The following DGKB variants were observed in gnomAD, a reference collection of about 807,000 sequenced individuals.
DGKB encodes the protein 90 kDa diacylglycerol kinase.
A neutral mutation model predicts 114.3 loss-of-function variants in DGKB; 67 were observed. The observed-to-expected ratio is 0.59, with a 90% CI of 0.48 to 0.72. The LOEUF is 0.72. DGKB is among the 30% of genes least tolerant of loss of function. The pLI is 0.00. For missense variants in DGKB, 907 were observed against 975.2 expected (o/e 0.93, Z 0.93); for synonymous variants, 398 against 323.1 (o/e 1.23, Z -2.49).
At chr7:14,579,144 A>C (rs1267177964) in intron 19 of DGKB, among the ~76,000 whole-genome samples, 1 of 152,156 alleles carries the variant, frequency 6.6e-6, no homozygotes, top group Non-Finnish European at 1.5e-5. Context: ...ATAATTATAT[A>C]TTTCATTATT....
At chr7:14,268,338 T>C (rs768974679) in intron 23 of DGKB, among the ~76,000 whole-genome samples, 37 of 151,998 alleles carry the variant, frequency 2.4e-4, no homozygotes, top group Admixed American at 3.9e-4. Context: ...GCAGCTGCTC[T>C]GAAGAGGAAT....
intron 19 of DGKB, 69 bp from the exon 20 acceptor site, chr7:14,574,441 C>A: frequency 7.3e-7 from 1 of 1,360,704 alleles, no homozygotes; most frequent in Non-Finnish European, 1.0e-6. Flanking sequence ...TTTTATGTTT[C>A]AGTGTGCTTA....
intron 1 of DGKB, among the ~76,000 whole-genome samples, chr7:14,963,378 G>A (rs1012016541): frequency 1.1e-4 from 16 of 152,084 alleles, no homozygotes; most frequent in Non-Finnish European, 1.9e-4. Flanking sequence ...GTGCACATTT[G>A]TTCCTTTGAT....
chr7:14,393,075 G>A (rs1821649534), intron 21 of DGKB, among the ~76,000 whole-genome samples: 1 of 144,826 alleles, frequency 6.9e-6, no homozygotes, highest in Admixed American at 7.1e-5. Flanking sequence ...TGCAAGCTCT[G>A]CCCCCTGGGG....
chr7:14,427,127 T>C (rs10272826), intron 21 of DGKB, among the ~76,000 whole-genome samples: 4,396 of 151,956 alleles, frequency 0.029, 234 homozygotes, highest in African/African-American at 0.1. Context: ...TCAGGATAAA[T>C]AGCTAATGCA....
intron 1 of DGKB, among the ~76,000 whole-genome samples, chr7:14,895,787 G>A (rs1037264291): frequency 3.3e-5 from 5 of 151,630 alleles, no homozygotes; most frequent in African/African-American, 1.2e-4. Context: ...AGACTTCCCA[G>A]AACTAGCTGA....
intron 23 of DGKB, among the ~76,000 whole-genome samples, chr7:14,292,397 C>A (rs1286637141): frequency 6.6e-6 from 1 of 152,124 alleles, no homozygotes; most frequent in East Asian, 1.9e-4. Flanking sequence ...TGAAAAGTGT[C>A]ACAGCAATAC....
chr7:14,391,277 GAC>G (rs1821263808), intron 21 of DGKB, among the ~76,000 whole-genome samples: 1 of 152,126 alleles, frequency 6.6e-6, no homozygotes, highest in Non-Finnish European at 1.5e-5. Flanking sequence ...ATCTGACTGT[GAC>G]AGATTTTGCT....
At chr7:14,505,074 T>C (rs1786818387) in intron 20 of DGKB, among the ~76,000 whole-genome samples, 1 of 152,166 alleles carries the variant, frequency 6.6e-6, no homozygotes, top group Non-Finnish European at 1.5e-5. Flanking sequence ...ACTGAAGGCA[T>C]AGAGCTTAGA....
At chr7:14,929,197 A>C (rs932000921) in intron 1 of DGKB, among the ~76,000 whole-genome samples, 4 of 152,034 alleles carry the variant, frequency 2.6e-5, no homozygotes, top group Non-Finnish European at 4.4e-5. Flanking sequence ...TCAACATATG[A>C]GTGCAGATAT....
intron 23 of DGKB, among the ~76,000 whole-genome samples, chr7:14,333,024 T>C (rs1810000058): frequency 6.6e-6 from 1 of 152,100 alleles, no homozygotes; most frequent in South Asian, 2.1e-4. Context: ...CGCTCAGTGG[T>C]TATCAAACTT....
intron 25 of DGKB, among the ~76,000 whole-genome samples, chr7:14,154,243 AAG>A (rs745547701): frequency 1.3e-5 from 2 of 151,532 alleles, no homozygotes; most frequent in African/African-American, 2.4e-5. Context: ...AGAGAGAAGA[AAG>A]AAATTCTGAA....
intron 20 of DGKB, among the ~76,000 whole-genome samples, chr7:14,490,307 T>G (rs1784425774): frequency 6.6e-6 from 1 of 152,176 alleles, no homozygotes; most frequent in African/African-American, 2.4e-5. Context: ...CAAGCTTTAT[T>G]ATAAGAATAA....
intron 13 of DGKB, among the ~76,000 whole-genome samples, chr7:14,634,461 T>A (rs945869150): frequency 2.1e-5 from 3 of 144,150 alleles, no homozygotes; most frequent in African/African-American, 5.2e-5. Flanking sequence ...TATTTAGAAA[T>A]CACTATATCT....
At chr7:14,935,651 G>C (rs561474747) in intron 1 of DGKB, among the ~76,000 whole-genome samples, 10 of 152,128 alleles carry the variant, frequency 6.6e-5, no homozygotes, top group African/African-American at 2.2e-4. Flanking sequence ...TACTACTTCT[G>C]TATGGTAAGA....
chr7:14,851,498 A>C (rs907970338), intron 1 of DGKB, among the ~76,000 whole-genome samples: 2 of 152,170 alleles, frequency 1.3e-5, no homozygotes, highest in African/African-American at 4.8e-5. Context: ...AATATGAAAT[A>C]ATGTAAAATG....
intron 21 of DGKB, among the ~76,000 whole-genome samples, chr7:14,375,360 GATA>G (rs1469361561): frequency 6.6e-6 from 1 of 152,184 alleles, no homozygotes; most frequent in Non-Finnish European, 1.5e-5. Context: ...CTGAGTGAGA[GATA>G]ATAATAAGAG....
intron 23 of DGKB, among the ~76,000 whole-genome samples, chr7:14,250,181 C>CTGGT (rs1795026774): frequency 6.7e-6 from 1 of 149,356 alleles, no homozygotes; most frequent in African/African-American, 2.5e-5. Context: ...GTTGCCTAGG[C>CTGGT]TGGTCTTGAA....
intron 2 of DGKB, among the ~76,000 whole-genome samples, chr7:14,797,886 T>C (rs1841620983): frequency 6.6e-6 from 1 of 152,140 alleles, no homozygotes; most frequent in Non-Finnish European, 1.5e-5. Context: ...TGGCAAGTTC[T>C]GGGTTCTTGT....
Sources: allele counts gnomAD v4.1 joint callset (sites outside exome capture counted in the v4.1 genomes callset), GRCh38; gene constraint gnomAD v4.1.1; transcripts MANE v1.5; gene names NCBI Gene and HGNC (gene_info 2026-07-23, HGNC 2026-07-21).